ZNF804B: variants seen among roughly 807,000 people sequenced by gnomAD.
ZNF804B encodes the protein zinc finger protein 804B.
ZNF804B carries 80 observed loss-of-function variants against 101.4 expected under a neutral mutation model. The ratio of observed to expected loss-of-function variants is 0.79; its 90% CI spans 0.66 to 0.95. The LOEUF (loss-of-function observed/expected upper bound fraction) is 0.95, where lower values mean the gene tolerates loss of function less well. Ranked by LOEUF, ZNF804B falls within the 40% of genes least tolerant of loss-of-function variation. The pLI, the probability that ZNF804B is intolerant of heterozygous loss-of-function variation, is 0.00. For synonymous variants in ZNF804B, 622 were observed against 558.8 expected, an observed-to-expected ratio of 1.11 and a Z score of -1.59; for missense variants, 1,673 against 1,561.9, an observed-to-expected ratio of 1.07 and a Z score of -1.20.
At chr7:89,057,151 T>C (rs1447732145) in intron 1 of ZNF804B, among the ~76,000 whole-genome samples, 2 of 152,110 alleles carry the variant, frequency 1.3e-5, no homozygotes, top group African/African-American at 4.8e-5. Flanking sequence ...TCAGAGATCC[T>C]GTCTATAGGA....
At chr7:89,242,061 G>T (rs963276109) in intron 2 of ZNF804B, among the ~76,000 whole-genome samples, 18 of 151,754 alleles carry the variant, frequency 1.2e-4, no homozygotes, top group African/African-American at 4.4e-4. Flanking sequence ...ACTCTAAGTT[G>T]CCATAGCTTT....
chr7:89,337,184 C>A lies in ZNF804B; in HGVS notation c.*152C>A. On this transcript the variant is annotated 3_prime_UTR_variant, in exon 4 of 4. Coordinates refer to ENST00000333190, the MANE Select transcript of ZNF804B (RefSeq NM_181646.5). ...ATAAATATGATCTGAATTGCTAATA[C>A]TAAAACAAGAGCATTTTAATAATTT... 1 of 819,364 alleles carries A rather than the reference C, an allele frequency of 1.2e-6. No individual in the cohort carries two copies. The highest frequency in any genetic ancestry group is 1.8e-6 in the Non-Finnish European group (1 of 555,688). 50.8% of individuals were successfully genotyped at this position (819,364 alleles called of 1,614,324 possible). A position where few individuals can be genotyped will look rare whatever the true frequency, so the allele number is the denominator to read the frequency against.
chr7:89,194,666 A>G (rs899845835), intron 1 of ZNF804B, among the ~76,000 whole-genome samples: 76 of 148,122 alleles, frequency 5.1e-4, no homozygotes, highest in African/African-American at 1.8e-3. Flanking sequence ...TGTTCCATTG[A>G]TCTATATCTC....
intron 1 of ZNF804B, among the ~76,000 whole-genome samples, chr7:89,169,582 A>T (rs1791195002): frequency 6.6e-6 from 1 of 152,150 alleles, no homozygotes; most frequent in Non-Finnish European, 1.5e-5. Flanking sequence ...ATAGGAATGT[A>T]AAATCTTTCT....
chr7:89,320,293 G>T (rs1165355492), intron 2 of ZNF804B, among the ~76,000 whole-genome samples: 1 of 151,734 alleles, frequency 6.6e-6, no homozygotes, highest in Non-Finnish European at 1.5e-5. Context: ...AAAAAGTAAT[G>T]ATATACAACA....
intron 1 of ZNF804B, among the ~76,000 whole-genome samples, chr7:89,118,787 G>A (rs1433820658): frequency 6.6e-6 from 1 of 152,108 alleles, no homozygotes; most frequent in East Asian, 1.9e-4. Context: ...TTCTCATTAA[G>A]AACTGCAAAA....
chr7:89,037,139 A>T (rs1788940982), intron 1 of ZNF804B, among the ~76,000 whole-genome samples: 1 of 152,148 alleles, frequency 6.6e-6, no homozygotes, highest in South Asian at 2.1e-4. Context: ...AAAAGAAAAA[A>T]ATATTCCTCT....
intron 1 of ZNF804B, among the ~76,000 whole-genome samples, chr7:89,065,729 T>G (rs748591019): frequency 2.0e-5 from 3 of 152,078 alleles, no homozygotes; most frequent in Non-Finnish European, 4.4e-5. Context: ...TTTTTCCAGC[T>G]TCTAGAGGCT....
chr7:89,237,949 G>A (rs1789309503), intron 2 of ZNF804B, among the ~76,000 whole-genome samples: 1 of 152,136 alleles, frequency 6.6e-6, no homozygotes, highest in Non-Finnish European at 1.5e-5. Context: ...ACTGTTAATT[G>A]ACAAATGACA....
At chr7:89,239,564 A>G (rs1413199400) in intron 2 of ZNF804B, among the ~76,000 whole-genome samples, 1 of 152,136 alleles carries the variant, frequency 6.6e-6, no homozygotes, top group African/African-American at 2.4e-5. Context: ...CATGTAAGGA[A>G]CTTATCAATT....
At chr7:88,989,513 C>T (rs1468793108) in intron 1 of ZNF804B, among the ~76,000 whole-genome samples, 1 of 152,068 alleles carries the variant, frequency 6.6e-6, no homozygotes, top group Non-Finnish European at 1.5e-5. Context: ...CTGAGGTGTA[C>T]TTCTGGTTGC....
chr7:88,959,044 C>T (rs568139331), intron 1 of ZNF804B, among the ~76,000 whole-genome samples: 1 of 151,496 alleles, frequency 6.6e-6, no homozygotes, highest in South Asian at 2.1e-4. Flanking sequence ...ATTCACCTGC[C>T]TCATGCATTC....
chr7:88,760,067 A>G lies in ZNF804B; in HGVS notation c.91A>G (p.Asn31Asp). 4.3e-6 allele frequency: 7 copies of G among 1,614,130 alleles called. No homozygotes were observed. The highest frequency in any genetic ancestry group is 1.3e-5 in the African/African-American group (1 of 75,040). Residue 31 changes from asparagine (N) to aspartate (D), a missense_variant, in exon 1 of 4, where the codon AAC (asparagine) becomes GAC (aspartate). Physicochemically the swap from Asn to Asp is conservative, Grantham distance 23. Coordinates refer to ENST00000333190, the MANE Select transcript of ZNF804B (RefSeq NM_181646.5). ...KGVFRGPLCKNGSPSPDFAEK... is the reference protein window; with the variant it reads ...KGVFRGPLCKDGSPSPDFAEK... ...AGTCTTCAGGGGACCCCTGTGCAAG[A>G]ACGGATCTCCCTCTCCGGTAATGTG...
chr7:89,283,376 C>G (rs754241239), intron 2 of ZNF804B, among the ~76,000 whole-genome samples: 1 of 152,102 alleles, frequency 6.6e-6, no homozygotes. Flanking sequence ...TGGTATCACA[C>G]GTATGCTTGC....
At chr7:89,239,413 C>T (rs1478157390) in intron 2 of ZNF804B, among the ~76,000 whole-genome samples, 3 of 152,144 alleles carry the variant, frequency 2.0e-5, no homozygotes, top group African/African-American at 4.8e-5. Context: ...AATCTTCATT[C>T]CTGCTTTTTC....
chr7:89,239,393 G>C (rs1308083864), intron 2 of ZNF804B, among the ~76,000 whole-genome samples: 1 of 152,150 alleles, frequency 6.6e-6, no homozygotes, highest in African/African-American at 2.4e-5. Flanking sequence ...CAGAGTTCAA[G>C]TCGCTCTTAA....
At chr7:89,013,846 A>C (rs1788499653) in intron 1 of ZNF804B, among the ~76,000 whole-genome samples, 1 of 152,136 alleles carries the variant, frequency 6.6e-6, no homozygotes, top group Admixed American at 6.5e-5. Context: ...TTTAGGTTCC[A>C]CATATGAATG....
At chr7:88,903,442 C>G (rs1792421802) in intron 1 of ZNF804B, among the ~76,000 whole-genome samples, 1 of 152,002 alleles carries the variant, frequency 6.6e-6, no homozygotes, top group Non-Finnish European at 1.5e-5. Context: ...TTTGGTGTAA[C>G]AATTTATTTT....
chr7:89,047,879 T>A (rs1789134945), intron 1 of ZNF804B, among the ~76,000 whole-genome samples: 1 of 131,732 alleles, frequency 7.6e-6, no homozygotes, highest in Admixed American at 7.9e-5. Context: ...TTGGTTGATC[T>A]CAGTGGCTAA....
Sources: allele counts gnomAD v4.1 joint callset (sites outside exome capture counted in the v4.1 genomes callset), GRCh38; gene constraint gnomAD v4.1.1; transcripts MANE v1.5; gene names NCBI Gene and HGNC (gene_info 2026-07-23, HGNC 2026-07-21).